Variants in SLC25A12 observed in about 807,000 individuals in gnomAD.
SLC25A12 encodes the protein solute carrier family 25 member 12.
A neutral mutation model predicts 83.3 loss-of-function variants in SLC25A12; 32 were observed. The ratio of observed to expected loss-of-function variants is 0.38; its 90% CI spans 0.29 to 0.52. SLC25A12 has a LOEUF of 0.52. SLC25A12 is among the 20% of genes least tolerant of loss of function. The pLI is 0.84. For synonymous variants in SLC25A12, 267 were observed against 291.1 expected (o/e 0.92, Z 0.84); for missense variants, 611 against 835.6 (o/e 0.73, Z 3.31).
chr2:171,857,879 G>GT (rs1191605169), intron 3 of SLC25A12, among the ~76,000 whole-genome samples: 1 of 151,994 alleles, frequency 6.6e-6, no homozygotes, highest in African/African-American at 2.4e-5. Context: ...TCCAGCCTGG[G>GT]TAACAGAGTG....
At chr2:171,865,013 C>T (rs1417573618) in intron 3 of SLC25A12, among the ~76,000 whole-genome samples, 2 of 152,172 alleles carry the variant, frequency 1.3e-5, no homozygotes, top group East Asian at 3.9e-4. Context: ...AATATCACTC[C>T]CTAAACTCTC....
At chr2:171,860,236 C>T (rs1022808656) in intron 3 of SLC25A12, among the ~76,000 whole-genome samples, 1 of 152,192 alleles carries the variant, frequency 6.6e-6, no homozygotes, top group Non-Finnish European at 1.5e-5. Context: ...TCAGCAAATA[C>T]ACTTTTGAGA....
At chr2:171,791,215 A>G (rs1183108117) in intron 15 of SLC25A12, among the ~76,000 whole-genome samples, 1 of 152,220 alleles carries the variant, frequency 6.6e-6, no homozygotes, top group African/African-American at 2.4e-5. Context: ...TTAGATGGGC[A>G]GATCTAATTT....
chr2:171,788,921 AAAT>A (rs967416488), intron 15 of SLC25A12: 1 of 152,202 alleles, frequency 6.6e-6, no homozygotes, highest in Non-Finnish European at 1.5e-5. Context: ...AAATTAGAAA[AAAT>A]AATCTCATTC....
chr2:171,792,280 A>T (rs1049190327), intron 14 of SLC25A12, among the ~76,000 whole-genome samples: 1 of 150,930 alleles, frequency 6.6e-6, no homozygotes, highest in Non-Finnish European at 1.5e-5. Context: ...ACTCTGTTTT[A>T]TTCTTTTTAA....
intron 13 of SLC25A12, among the ~76,000 whole-genome samples, chr2:171,803,104 ATC>A (rs1402779842): frequency 6.6e-6 from 1 of 151,806 alleles, no homozygotes; most frequent in Admixed American, 6.6e-5. Context: ...ATTTAGTAAT[ATC>A]TCTCTCTGTT....
chr2:171,878,624 T>C (rs1372342768), intron 2 of SLC25A12, among the ~76,000 whole-genome samples: 3 of 151,824 alleles, frequency 2.0e-5, no homozygotes, highest in Admixed American at 2.0e-4. Context: ...GTGGCTGTAA[T>C]ATGAGTCAAA....
intron 5 of SLC25A12, among the ~76,000 whole-genome samples, chr2:171,840,289 G>A (rs372677546): frequency 6.6e-6 from 1 of 151,962 alleles, no homozygotes; most frequent in African/African-American, 2.4e-5. Context: ...GGAGGCCGAG[G>A]TGAAAGGATC....
chr2:171,868,912 GC>G, intron 2 of SLC25A12, 89 bp from the exon 3 acceptor site: 2 of 1,122,650 alleles, frequency 1.8e-6, no homozygotes, highest in Non-Finnish European at 2.6e-6. Context: ...TAAATTAAAG[GC>G]CAGTATTAAA....
intron 11 of SLC25A12, among the ~76,000 whole-genome samples, chr2:171,811,887 A>T (rs1683952597): frequency 6.6e-6 from 1 of 152,210 alleles, no homozygotes; most frequent in African/African-American, 2.4e-5. Context: ...ACCAAAGAGG[A>T]GAAAGGTCAT....
rs1690442516 is a variant in SLC25A12, at chr2:171,784,028, C to T, written c.*1246G>A. Among the ~76,000 whole-genome samples the T allele has an allele frequency of 6.6e-6, 1 of 152,202 alleles. No homozygotes were observed. Among genetic ancestry groups the T allele is most frequent in the African/African-American group, 2.4e-5 (1 of 41,462 alleles). Reference sequence around the variant, plus strand: ...TTGGTAAGGTAAATAAATTCTGATACTGCACATCAAATCACATCCATATCA... The same window carrying T: ...TTGGTAAGGTAAATAAATTCTGATATTGCACATCAAATCACATCCATATCA... On this transcript the variant is annotated 3_prime_UTR_variant, in exon 18 of 18. Coordinates refer to ENST00000422440, the MANE Select transcript of SLC25A12 (RefSeq NM_003705.5).
At chr2:171,824,077 A>G (rs1420294872) in intron 9 of SLC25A12, among the ~76,000 whole-genome samples, 1 of 152,190 alleles carries the variant, frequency 6.6e-6, no homozygotes, top group Non-Finnish European at 1.5e-5. Context: ...AAAGGCAGAG[A>G]AAGCACTCCC....
chr2:171,818,654 C>G (rs559060096), intron 9 of SLC25A12, among the ~76,000 whole-genome samples: 2 of 151,880 alleles, frequency 1.3e-5, no homozygotes, highest in Middle Eastern at 3.4e-3. Context: ...TGCCTGTGGT[C>G]CCAGCTACTT....
At chr2:171,810,578 T>C (rs1259344097) in intron 11 of SLC25A12, among the ~76,000 whole-genome samples, 2 of 152,236 alleles carry the variant, frequency 1.3e-5, no homozygotes, top group African/African-American at 4.8e-5. Context: ...GCGTCTTCTC[T>C]ATTCTGGGAA....
chr2:171,785,600 C>T lies in SLC25A12; in HGVS notation c.1836-125G>A, dbSNP rs1690473775. On this transcript the variant is annotated intron_variant, in intron 17 of 17. Transcript: ENST00000422440. ...ATGTTTCTCTCAACCATTTCCATGGCATCTGTGCTGCATGACTAGAAACCA... is the reference window on the plus strand; with the variant it reads ...ATGTTTCTCTCAACCATTTCCATGGTATCTGTGCTGCATGACTAGAAACCA... 2.1e-5 allele frequency: 18 copies of T among 840,784 alleles called. 1 individual carries two copies. The South Asian group carries it at 2.6e-4, about 12-fold the overall frequency. The allele number at this position is 840,784 out of a possible 1,614,324, so 52.1% of individuals were successfully genotyped here.
In SLC25A12 at chr2:171,855,905, C is replaced by A. The variant is rs1482055530; in HGVS notation, c.254G>T (p.Cys85Phe). The change falls in exon 4 of 18, where the codon TGT becomes TTT. Residue 85 changes from cysteine (C) to phenylalanine (F), a missense_variant. Cys to Phe is a radical substitution (Grantham distance 205). This residue lies in a region of SLC25A12 where 540 missense variants were observed against 777.5 expected (regional missense o/e 0.69). Coordinates refer to ENST00000422440, the MANE Select transcript of SLC25A12 (RefSeq NM_003705.5). ...CACTATGAACATGGAATCTGGAGCACATAAAACAGATTCAAATGCCAAAAA... is the reference window on the plus strand; with the variant it reads ...CACTATGAACATGGAATCTGGAGCAAATAAAACAGATTCAAATGCCAAAAA... ...QEFLAFESVL[C>F]APDSMFIVAF... 1.2e-6 allele frequency: 2 copies of A among 1,613,232 alleles called. No individual in the cohort carries two copies. Among genetic ancestry groups the A allele is most frequent in the African/African-American group, 2.7e-5 (2 of 74,910 alleles).
intron 2 of SLC25A12, among the ~76,000 whole-genome samples, chr2:171,869,623 AAATAAT>A (rs1206117512): frequency 2.0e-5 from 3 of 152,294 alleles, no homozygotes; most frequent in South Asian, 2.1e-4. Flanking sequence ...TTTTTAAATA[AAATAAT>A]AATAATACCT....
intron 9 of SLC25A12, among the ~76,000 whole-genome samples, chr2:171,819,103 C>T (rs1282112728): frequency 2.9e-5 from 4 of 137,306 alleles, no homozygotes; most frequent in Admixed American, 7.9e-5. Flanking sequence ...TATATATATA[C>T]ATAAAATATA....
At position 171,785,151 on chromosome 2, in the gene SLC25A12, A is replaced by T. The variant is rs1296104513; in HGVS notation, c.*123T>A. The T allele has an allele frequency of 4.7e-6, 4 of 856,372 alleles. No individual in the cohort carries two copies. The highest frequency in any genetic ancestry group is 1.7e-5 in the African/African-American group (1 of 59,950). The allele number at this position is 856,372 out of a possible 1,614,324, so 53.0% of individuals were successfully genotyped here. ...AAACAAGTATATGTATATGTCATAC[A>T]GAAAGAAGAGTTTGACTCCTCAGCT... On this transcript the variant is annotated 3_prime_UTR_variant, in exon 18 of 18. Coordinates refer to ENST00000422440, the MANE Select transcript of SLC25A12 (RefSeq NM_003705.5).
Sources: allele counts gnomAD v4.1 joint callset (sites outside exome capture counted in the v4.1 genomes callset), GRCh38; gene constraint gnomAD v4.1.1; regional missense constraint gnomAD v4.1.1; transcripts MANE v1.5; gene names NCBI Gene and HGNC (gene_info 2026-07-23, HGNC 2026-07-21).